Variants in BTRC observed in about 807,000 individuals in gnomAD.
BTRC encodes the protein beta-transducin repeat containing E3 ubiquitin protein ligase.
In BTRC, 42 loss-of-function variants were observed where a neutral mutation model predicts 85.5. The ratio of observed to expected loss-of-function variants is 0.49; its 90% CI spans 0.38 to 0.64. The LOEUF is 0.64. BTRC is among the 30% of genes least tolerant of loss of function. The probability of loss-of-function intolerance (pLI) is 0.00; values close to 1 mark genes in which losing one functional copy is unlikely to be tolerated. For missense variants in BTRC, 594 were observed against 743.5 expected (o/e 0.80, Z 2.34); for synonymous variants, 255 against 263.3 (o/e 0.97, Z 0.30).
At chr10:101,392,121 T>C (rs1406045236) in intron 1 of BTRC, among the ~76,000 whole-genome samples, 1 of 152,162 alleles carries the variant, frequency 6.6e-6, no homozygotes, top group Non-Finnish European at 1.5e-5. Context: ...CTGGGATTAC[T>C]GGCGTGCGCC....
chr10:101,409,054 CAAAAACA>C (rs1285025379), intron 1 of BTRC, among the ~76,000 whole-genome samples: 3 of 151,654 alleles, frequency 2.0e-5, no homozygotes, highest in Non-Finnish European at 4.4e-5. Flanking sequence ...CATCTCAAAA[CAAAAACA>C]AAAAACAAAA....
At chr10:101,373,951 A>C (rs1942714346) in intron 1 of BTRC, among the ~76,000 whole-genome samples, 1 of 152,006 alleles carries the variant, frequency 6.6e-6, no homozygotes, top group African/African-American at 2.4e-5. Flanking sequence ...AAAAAAAAAA[A>C]AAGATGGTCA....
At chr10:101,366,753 G>T (rs1360831578) in intron 1 of BTRC, among the ~76,000 whole-genome samples, 4 of 109,508 alleles carry the variant, frequency 3.7e-5, no homozygotes, top group Non-Finnish European at 5.2e-5. Context: ...CAGGGAGTTT[G>T]GACTTAATCT....
At chr10:101,519,184 T>G (rs1226210980) in intron 4 of BTRC, among the ~76,000 whole-genome samples, 3 of 151,284 alleles carry the variant, frequency 2.0e-5, no homozygotes, top group Non-Finnish European at 2.9e-5. Context: ...GTTCAAGTGA[T>G]TCTCCTGCCT....
intron 1 of BTRC, among the ~76,000 whole-genome samples, chr10:101,424,795 C>T (rs1383887701): frequency 1.3e-5 from 2 of 152,116 alleles, no homozygotes; most frequent in Non-Finnish European, 2.9e-5. Context: ...CCCTTCATTG[C>T]AATCTTGTTT....
intron 1 of BTRC, 48 bp downstream of exon 1, chr10:101,354,276 C>T (rs1941964024): frequency 6.5e-7 from 1 of 1,544,246 alleles, no homozygotes; most frequent in Non-Finnish European, 8.7e-7. Context: ...CTGGCGTTGG[C>T]GGCGTCGCTG....
intron 3 of BTRC, among the ~76,000 whole-genome samples, chr10:101,473,002 A>G (rs1945575145): frequency 1.3e-5 from 2 of 152,070 alleles, no homozygotes; most frequent in African/African-American, 4.8e-5. Flanking sequence ...AGTTTTCACA[A>G]AATTTGGGGA....
chr10:101,551,939 A>T (rs1019829554), intron 14 of BTRC, among the ~76,000 whole-genome samples: 1 of 152,180 alleles, frequency 6.6e-6, no homozygotes, highest in African/African-American at 2.4e-5. Context: ...CCTAGTGCTT[A>T]GCACAGTGGC....
At chr10:101,394,721 A>C (rs960036353) in intron 1 of BTRC, among the ~76,000 whole-genome samples, 4 of 152,320 alleles carry the variant, frequency 2.6e-5, no homozygotes, top group Middle Eastern at 3.4e-3. Flanking sequence ...AAGAGTGATA[A>C]GGGCTTTCCC....
intron 4 of BTRC, among the ~76,000 whole-genome samples, chr10:101,509,693 C>T (rs1946647950): frequency 6.7e-6 from 1 of 149,226 alleles, no homozygotes; most frequent in African/African-American, 2.5e-5. Context: ...ACTGAGACTA[C>T]AGGCATGCAC....
chr10:101,415,492 TTATGTTATG>T lies in BTRC; in HGVS notation c.49-14851_49-14843del, dbSNP rs1943911024. On this transcript the variant is annotated intron_variant, in intron 1 of 14. Coordinates refer to ENST00000370187, the MANE Select transcript of BTRC (RefSeq NM_033637.4). ...TTATTTTATTTTATTTTATTTTATG[TTATGTTATG>T]TTATGTTATGTTATGTTATGTTATG... Among the ~76,000 whole-genome samples, 40 of 111,168 alleles carry T rather than the reference TTATGTTATG, an allele frequency of 3.6e-4. 10 individuals carry two copies. Among genetic ancestry groups the T allele is most frequent in the African/African-American group, 1.5e-3 (32 of 21,458 alleles). 72.9% of individuals were successfully genotyped at this position (111,168 alleles called of 152,430 possible).
At chr10:101,481,372 C>T (rs1945829968) in intron 4 of BTRC, among the ~76,000 whole-genome samples, 1 of 152,068 alleles carries the variant, frequency 6.6e-6, no homozygotes, top group African/African-American at 2.4e-5. Flanking sequence ...AGTTTCATCA[C>T]AAGTGGGTGA....
intron 13 of BTRC, among the ~76,000 whole-genome samples, chr10:101,542,326 T>C (rs1298449618): frequency 6.6e-6 from 1 of 152,144 alleles, no homozygotes; most frequent in Non-Finnish European, 1.5e-5. Context: ...CTAAGATCAT[T>C]GACTTTGAAC....
chr10:101,459,832 A>G (rs1304018784), intron 2 of BTRC, among the ~76,000 whole-genome samples: 1 of 152,186 alleles, frequency 6.6e-6, no homozygotes, highest in Non-Finnish European at 1.5e-5. Context: ...AGTATGGGCT[A>G]GTCAATACTC....
At chr10:101,533,220 T>G in intron 9 of BTRC, 150 bp downstream of exon 9, 2 of 522,322 alleles carry the variant, frequency 3.8e-6, no homozygotes, top group East Asian at 5.8e-5. Flanking sequence ...AGTCTAGAAC[T>G]AGAAAACTTG....
At chr10:101,438,107 G>A (rs1202134619) in intron 2 of BTRC, among the ~76,000 whole-genome samples, 1 of 152,108 alleles carries the variant, frequency 6.6e-6, no homozygotes, top group African/African-American at 2.4e-5. Context: ...CTTTTTACGT[G>A]TGTTGGATTA....
At chr10:101,475,674 A>T (rs563389985) in intron 3 of BTRC, among the ~76,000 whole-genome samples, 105 of 152,106 alleles carry the variant, frequency 6.9e-4, no homozygotes, top group Non-Finnish European at 1.3e-3. Flanking sequence ...CCAAAATCAG[A>T]TTCTTTAAAA....
chr10:101,543,861 C>T (rs1295852702), intron 13 of BTRC, among the ~76,000 whole-genome samples: 5 of 152,118 alleles, frequency 3.3e-5, no homozygotes, highest in Non-Finnish European at 7.3e-5. Context: ...GTTATCATCC[C>T]CACAGCACTT....
chr10:101,500,535 T>G (rs1034544468), intron 4 of BTRC, among the ~76,000 whole-genome samples: 2 of 152,164 alleles, frequency 1.3e-5, no homozygotes, highest in African/African-American at 2.4e-5. Context: ...TAGACAGTTT[T>G]CTGAAAGCCT....
Sources: gnomAD v4.1 joint callset for allele counts (sites outside exome capture counted in the v4.1 genomes callset) on GRCh38, gnomAD v4.1.1 for gene constraint, MANE v1.5 for transcripts, NCBI Gene and HGNC (gene_info 2026-07-23, HGNC 2026-07-21) for gene names.